The following RNF19B variants were observed in gnomAD, a reference collection of about 807,000 sequenced individuals.
The protein encoded by RNF19B is E3 ubiquitin-protein ligase RNF19B.
In RNF19B, 23 loss-of-function variants were observed where a neutral mutation model predicts 65.5. That is an observed-to-expected ratio of 0.35 (90% CI 0.25 to 0.50). RNF19B has a LOEUF of 0.50. Among genes scored for constraint, RNF19B ranks in the 20% least tolerant of loss-of-function variants. The pLI is 0.98. For synonymous variants in RNF19B, 372 were observed against 379.6 expected, an observed-to-expected ratio of 0.98 and a Z score of 0.23; for missense variants, 794 against 980.0, an observed-to-expected ratio of 0.81 and a Z score of 2.53.
At chr1:32,954,872 C>T (rs140375750) in intron 1 of RNF19B, among the ~76,000 whole-genome samples, 121 of 152,094 alleles carry the variant, frequency 8.0e-4, no homozygotes, top group Admixed American at 1.3e-3. Context: ...AGATATATGG[C>T]GTAAAAACAT....
At chr1:32,963,678 A>AT (rs1267426092) in intron 1 of RNF19B, among the ~76,000 whole-genome samples, 1 of 150,596 alleles carries the variant, frequency 6.6e-6, no homozygotes, top group East Asian at 2.0e-4. Context: ...AGATCGCGCC[A>AT]TTGCACTCCA....
Position 32,937,218 on chromosome 1 carries a change from T to C in RNF19B, c.1784A>G (p.Lys595Arg). 3 of 1,614,124 alleles carry C rather than the reference T, an allele frequency of 1.9e-6. No individual in the cohort carries two copies. The highest frequency in any genetic ancestry group is 2.5e-6 in the Non-Finnish European group (3 of 1,180,020). ...ACTCACCAGCTGATAGTGGCTTGGT[T>C]TGGCTTCAATGTCCACTTGGATTTC... ...NMEIQVDIEA[K>R]PSHYQLVSGS... is the part of the protein sequence containing the mutation. Residue 595 changes from lysine to arginine, a missense_variant, in exon 9 of 9, where the codon AAA (lysine) becomes AGA (arginine). Lys to Arg is a conservative substitution (Grantham distance 26, BLOSUM62 2). Transcript: ENST00000235150.
At chr1:32,938,838 G>C (rs1219999794) in intron 7 of RNF19B, among the ~76,000 whole-genome samples, 1 of 152,092 alleles carries the variant, frequency 6.6e-6, no homozygotes, top group African/African-American at 2.4e-5. Flanking sequence ...CTCTAGAACA[G>C]TGCCAGTGTG....
Position 32,950,457 on chromosome 1 carries a change from C to T in RNF19B, c.636-683G>A, listed in dbSNP as rs75266772. 6.4e-3 allele frequency among the ~76,000 whole-genome samples: 978 copies of T among 152,068 alleles called. 10 individuals are homozygous for T. Among genetic ancestry groups the T allele is most frequent in the African/African-American group, 0.023 (950 of 41,444 alleles). ...AAAACTATTTCCTTTTGATAGTTTG[C>T]TATATTTAGAGAGATTAGTATTTGT... On this transcript the variant is annotated intron_variant, in intron 1 of 8. Coordinates refer to ENST00000235150, the MANE Select transcript of RNF19B (RefSeq NM_001300826.2).
rs574489197 is a variant in RNF19B at position 32,964,372 on chromosome 1, T to G, written c.314A>C (p.Glu105Ala). 4.3e-6 allele frequency: 6 copies of G among 1,394,710 alleles called. No individual in the cohort carries two copies. The East Asian group carries it at 1.2e-4, about 28-fold the overall frequency. 86.4% of individuals were successfully genotyped at this position (1,394,710 alleles called of 1,614,324 possible). A position where few individuals can be genotyped will look rare whatever the true frequency, so the allele number is the denominator to read the frequency against. ...AAAEPGFDDE[E>A]AAEGGGPGAE... ...GCCCGGGCCACCGCCCTCCGCCGCC[T>G]CCTCATCGTCGAACCCAGGCTCCGC... The change falls in exon 1 of 9, where the codon GAG (glutamate) becomes GCG (alanine). Residue 105 changes from glutamate to alanine, a missense_variant. Physicochemically the swap from Glu to Ala is moderately radical, Grantham distance 107. This residue lies in a region of RNF19B where 374 missense variants were observed against 423.8 expected (regional missense o/e 0.88). Transcript: ENST00000235150. This position sits in a 1 kb window ranked among gnomAD's most constrained non-coding sequence, Gnocchi z 6.5.
downstream of RNF19B, chr1:32,936,301 G>A (rs1642096256): frequency 6.5e-6 from 1 of 152,708 alleles, no homozygotes; most frequent in Non-Finnish European, 1.5e-5. Context: ...GGAGTCATAG[G>A]TTTATAGATG....
intron 3 of RNF19B, among the ~76,000 whole-genome samples, chr1:32,947,989 C>T (rs1642407479): frequency 6.6e-6 from 1 of 151,898 alleles, no homozygotes. Context: ...AGTATGGAGG[C>T]AAGACAGCAA....
intron 1 of RNF19B, among the ~76,000 whole-genome samples, chr1:32,958,185 C>CA (rs35008617): frequency 6.6e-6 from 1 of 152,080 alleles, no homozygotes; most frequent in African/African-American, 2.4e-5. Context: ...ACAGAAAAAA[C>CA]AAAAACCTGT....
chr1:32,964,418 CCTCGGCCTCGGCGGCCGG>C lies in RNF19B; in HGVS notation c.250_267del (p.Pro84_Glu89del), dbSNP rs1642852841. 1 of 1,218,046 alleles carries C rather than the reference CCTCGGCCTCGGCGGCCGG, an allele frequency of 8.2e-7. No individual in the cohort carries two copies. Among genetic ancestry groups the C allele is most frequent in the Non-Finnish European group, 1.0e-6 (1 of 981,542 alleles). 75.5% of individuals were successfully genotyped at this position (1,218,046 alleles called of 1,614,324 possible). On this transcript the variant is annotated inframe_deletion, in exon 1 of 9. Transcript: ENST00000235150. The surrounding 1 kb of genome is among the most constrained non-coding windows in gnomAD (Gnocchi z 6.5). ...TCCGCCGCCGCCGCCGCGGCCTCCG[CCTCGGCCTCGGCGGCCGG>C]CTCGGCGGGCAGCGCCTCGGGCGGC...
downstream of RNF19B, among the ~76,000 whole-genome samples, chr1:32,933,145 T>C (rs1355197728): frequency 6.6e-6 from 1 of 152,224 alleles, no homozygotes; most frequent in Non-Finnish European, 1.5e-5. Context: ...AGGAACTTTG[T>C]ATTTTAGTCA....
chr1:32,936,928 C>A lies in RNF19B; in HGVS notation c.2074G>T (p.Ala692Ser), dbSNP rs752934272. 6.2e-7 allele frequency: 1 copy of A among 1,613,984 alleles called. No individual in the cohort carries two copies. The highest frequency in any genetic ancestry group is 1.1e-5 in the South Asian group (1 of 91,060). ...GCTCTGGGGGTCGAGGGGCAGGCTG[C>A]AGTATGGGAGCGGGGGGAGCCACAC... The part of the protein sequence containing the change: ...DECGSPRSHT[A>S]ACPSTPRAQG... The change falls in exon 9 of 9, where the codon GCA (alanine) becomes TCA (serine). Residue 692 changes from alanine to serine, a missense_variant. Coordinates refer to ENST00000235150, the MANE Select transcript of RNF19B (RefSeq NM_001300826.2).
At chr1:32,948,162 T>C in intron 3 of RNF19B, 60 bp downstream of exon 3, 2 of 1,569,252 alleles carry the variant, frequency 1.3e-6, no homozygotes, top group Non-Finnish European at 1.7e-6. Flanking sequence ...TTGACATCCT[T>C]TTCCCTAAAT....
At chr1:32,938,288 T>C (rs1441683307) in intron 8 of RNF19B, 109 bp downstream of exon 8, 3 of 1,168,794 alleles carry the variant, frequency 2.6e-6, no homozygotes, top group South Asian at 1.2e-5. Flanking sequence ...TTACACTATA[T>C]ATCCCAGGAG....
downstream of RNF19B, among the ~76,000 whole-genome samples, chr1:32,935,453 C>T (rs896947179): frequency 9.9e-5 from 15 of 152,076 alleles, no homozygotes; most frequent in African/African-American, 3.6e-4. Context: ...CATTATTTTA[C>T]ACAGAGGCAA....
intron 1 of RNF19B, among the ~76,000 whole-genome samples, chr1:32,951,953 C>T (rs1642510764): frequency 2.0e-5 from 3 of 146,452 alleles, no homozygotes; most frequent in Non-Finnish European, 4.5e-5. Context: ...CGCCACCACG[C>T]CCGGCTTTTT....
At chr1:32,960,221 G>A (rs912082734) in intron 1 of RNF19B, among the ~76,000 whole-genome samples, 1 of 152,122 alleles carries the variant, frequency 6.6e-6, no homozygotes, top group African/African-American at 2.4e-5. Flanking sequence ...TGGTGTTCTT[G>A]TTATTATGAG....
intron 4 of RNF19B, among the ~76,000 whole-genome samples, chr1:32,946,184 T>C (rs1049148855): frequency 1.2e-4 from 18 of 152,162 alleles, no homozygotes; most frequent in African/African-American, 4.3e-4. Context: ...GCATTCTACC[T>C]TTAAGTCACT....
In RNF19B at chr1:32,936,775, T is replaced by C; in HGVS notation, c.*31A>G. 1 of 1,476,584 alleles carries C rather than the reference T, an allele frequency of 6.8e-7. No homozygotes were observed. Among genetic ancestry groups the C allele is most frequent in the Middle Eastern group, 1.8e-4 (1 of 5,472 alleles). The allele number at this position is 1,476,584 out of a possible 1,614,324, so 91.5% of individuals were successfully genotyped here. A position where few individuals can be genotyped will look rare whatever the true frequency, so the allele number is the denominator to read the frequency against. ...ATTCCAAAAGATGCAGTTACAAGTG[T>C]GCTTCTCAGAACAGGAGCATTCATT... On this transcript the variant is annotated 3_prime_UTR_variant, in exon 9 of 9. Transcript: ENST00000235150.
At position 32,942,414 on chromosome 1, in the gene RNF19B, C is replaced by T; in HGVS notation, c.1448G>A (p.Ser483Asn). ...TACACTAGTCAGGCCTTCAATGCTG[C>T]TTTCCCCAATGCTGGGATTCTTGAG... ...RALKNPSIGE[S>N]SIEGLTSVLS... is the part of the protein sequence containing the mutation. Residue 483 changes from serine (S) to asparagine (N), a missense_variant, in exon 7 of 9, where the codon AGC becomes AAC. Ser to Asn is a conservative substitution (Grantham distance 46, BLOSUM62 1). Transcript: ENST00000235150. 6.2e-7 allele frequency: 1 copy of T among 1,614,206 alleles called. No homozygotes were observed. The highest frequency in any genetic ancestry group is 1.3e-5 in the African/African-American group (1 of 75,058).
Sources: gnomAD v4.1 joint callset for allele counts (sites outside exome capture counted in the v4.1 genomes callset) on GRCh38, gnomAD v4.1.1 for gene constraint, gnomAD v4.1.1 regional missense constraint, Gnocchi (gnomAD v3.1) non-coding constraint, MANE v1.5 for transcripts, NCBI Gene and HGNC (gene_info 2026-07-23, HGNC 2026-07-21) for gene names.